The following TTN variants were observed in gnomAD, a reference collection of about 807,000 sequenced individuals.
The protein encoded by TTN is titin.
In TTN, 1,525 loss-of-function variants were observed where a neutral mutation model predicts 3,223.0. The ratio of observed to expected loss-of-function variants is 0.47; its 90% confidence interval spans 0.45 to 0.49. TTN has a LOEUF of 0.49. TTN is among the 20% of genes least tolerant of loss of function. The probability of loss-of-function intolerance (pLI) is 0.00; values close to 1 mark genes in which losing one functional copy is unlikely to be tolerated. For synonymous variants in TTN, 14,094 were observed against 15,161.0 expected, an observed-to-expected ratio of 0.93 and a Z score of 5.17; for missense variants, 40,786 against 43,424.0, an observed-to-expected ratio of 0.94 and a Z score of 5.40.
chr2:178,670,427 A>G (rs558034101), intron 156 of TTN, 132 bp from the exon 157 acceptor site: 18 of 422,170 alleles, frequency 4.3e-5, no homozygotes, highest in African/African-American at 3.1e-4. Context: ...TATCAAATAC[A>G]TTACAGTATT....
intron 263 of TTN, among the ~76,000 whole-genome samples, chr2:178,613,487 A>G (rs1396777578): frequency 1.3e-5 from 2 of 151,956 alleles, no homozygotes; most frequent in Non-Finnish European, 2.9e-5. Context: ...TATAATATCT[A>G]TGACAGTGGT....
In TTN at chr2:178,540,211, G is replaced by C; in HGVS notation, c.97955C>G (p.Thr32652Ser). The change falls in exon 351 of 363, where the codon ACC (threonine) becomes AGC (serine). Residue 32652 changes from threonine to serine, a missense_variant. Transcript: ENST00000589042. Reference protein sequence around the residue: ...VDQHEWTKCNTTPTKIREYTL... With the variant: ...VDQHEWTKCNSTPTKIREYTL... ...ATACTCTCGAATCTTGGTTGGAGTG[G>C]TGTTACACTTGGTCCATTCATGTTG... The C allele has an allele frequency of 6.2e-7, 1 of 1,613,668 alleles. No individual in the cohort carries two copies. The highest frequency in any genetic ancestry group is 8.5e-7 in the Non-Finnish European group (1 of 1,179,706).
rs1247049807 is a variant in TTN, at chr2:178,575,498, G to C, written c.70634C>G (p.Thr23545Ser). Residue 23545 changes from threonine to serine, a missense_variant, in exon 326 of 363, where the codon ACT becomes AGT. By Grantham distance (58) the Thr-to-Ser change is moderately conservative. Coordinates refer to ENST00000589042, the MANE Select transcript of TTN (RefSeq NM_001267550.2). The surrounding 1 kb of genome is among the most constrained non-coding windows in gnomAD (Gnocchi z 4.0). The stretch of plus-strand genomic sequence containing the variant: ...CCATGCCAGGCTGACGGTGCTCTTA[G>C]TTATGTCCATGATGTTAAGGCTGTC... ...PPDSLNIMDI[T>S]KSTVSLAWPK... is the part of the protein sequence containing the mutation. The C allele has an allele frequency of 6.2e-7, 1 of 1,613,690 alleles. No individual in the cohort carries two copies. Among genetic ancestry groups the C allele is most frequent in the Admixed American group, 1.7e-5 (1 of 60,010 alleles).
Position 178,782,889 on chromosome 2 carries a change from A to G in TTN, c.3017T>C (p.Phe1006Ser). Residue 1006 changes from phenylalanine to serine, a missense_variant, in exon 18 of 363, where the codon TTT becomes TCT. Transcript: ENST00000589042. Reference sequence around the variant, plus strand: ...AGTAAATCGCCCGCTGTCTTCCGCAAATGCTTCGCGAATCATAAGACGAGC... The same window carrying G: ...AGTAAATCGCCCGCTGTCTTCCGCAGATGCTTCGCGAATCATAAGACGAGC... The part of the protein sequence containing the change: ...GIARLMIREA[F>S]AEDSGRFTCS... The G allele has an allele frequency of 6.2e-7, 1 of 1,614,116 alleles. No homozygotes were observed. The highest frequency in any genetic ancestry group is 1.1e-5 in the South Asian group (1 of 91,084).
In TTN at chr2:178,680,253, C is replaced by T. The variant is rs746588865; in HGVS notation, c.33418+1G>A. The T allele has an allele frequency of 7.4e-6, 12 of 1,612,208 alleles. No individual in the cohort carries two copies. Among genetic ancestry groups the T allele is most frequent in the Non-Finnish European group, 9.3e-6 (11 of 1,179,068 alleles). On this transcript the variant is annotated splice_donor_variant, in intron 139 of 362. Coordinates refer to ENST00000589042, the MANE Select transcript of TTN (RefSeq NM_001267550.2). LOFTEE classifies it high-confidence loss of function. ...ACATTAAAATGAGTGCCATTAGGTACCTCTAACAGGTGGTGCTACTTCTTT... is the reference window on the plus strand; with the variant it reads ...ACATTAAAATGAGTGCCATTAGGTATCTCTAACAGGTGGTGCTACTTCTTT...
intron 72 of TTN, 23 bp downstream of exon 72, chr2:178,724,237 C>A (rs1315809850): frequency 1.3e-6 from 2 of 1,596,052 alleles, no homozygotes; most frequent in Non-Finnish European, 1.7e-6. Flanking sequence ...CATAAGCAAC[C>A]AGAAGAAAAC....
rs769141222 is a variant in TTN at position 178,527,265 on chromosome 2, A to G, written c.107723T>C (p.Ile35908Thr). 6.2e-5 allele frequency: 100 copies of G among 1,610,354 alleles called. No homozygotes were observed. Among genetic ancestry groups the G allele is most frequent in the Non-Finnish European group, 8.5e-5 (100 of 1,177,290 alleles). The change falls in exon 363 of 363, where the codon ATT becomes ACT. Residue 35908 changes from isoleucine (I) to threonine (T), a missense_variant. By Grantham distance (89) the Ile-to-Thr change is moderately conservative. Coordinates refer to ENST00000589042, the MANE Select transcript of TTN (RefSeq NM_001267550.2). ...TACTGTTAGAACTTTGCCTTCATCA[A>G]TGCTGATATCAGATGGAAGAGCTTC... Reference protein sequence around the residue: ...KIEALPSDISIDEGKVLTVAC... With the variant: ...KIEALPSDISTDEGKVLTVAC...
chr2:178,642,170 T>G (rs2061323624), intron 219 of TTN, 67 bp downstream of exon 219: 1 of 1,359,182 alleles, frequency 7.4e-7, no homozygotes, highest in Admixed American at 2.6e-5. Flanking sequence ...CAGAAACATT[T>G]TGTAAGCTTT....
rs2163010 is a variant in TTN at position 178,635,051 on chromosome 2, G to A, written c.42024+114C>T. 5 of 1,464,402 alleles carry A rather than the reference G, an allele frequency of 3.4e-6. No individual in the cohort carries two copies. The South Asian group carries it at 5.1e-5, about 15-fold the overall frequency. 90.7% of individuals were successfully genotyped at this position (1,464,402 alleles called of 1,614,324 possible). Reference sequence around the variant, plus strand: ...ATTTCTTTCCTTCTTGGAGACTTTAGAAGACTCCATTAACTCCATTATTAT... The same window carrying A: ...ATTTCTTTCCTTCTTGGAGACTTTAAAAGACTCCATTAACTCCATTATTAT... On this transcript the variant is annotated intron_variant, in intron 228 of 362. Coordinates refer to ENST00000589042, the MANE Select transcript of TTN (RefSeq NM_001267550.2).
chr2:178,608,953 G>T, intron 273 of TTN, 45 bp from the exon 274 acceptor site: 1 of 1,578,788 alleles, frequency 6.3e-7, no homozygotes, highest in South Asian at 1.2e-5. Flanking sequence ...TGTGTGGGAA[G>T]GGTTGCTATG....
intron 173 of TTN, 35 bp from the exon 174 acceptor site, chr2:178,663,090 G>C (rs1348485985): frequency 1.9e-6 from 3 of 1,595,496 alleles, no homozygotes; most frequent in Admixed American, 1.7e-5. Context: ...TTTAGAAAAG[G>C]TGAAAATGAT....
In TTN at chr2:178,559,787, G is replaced by C. The variant is rs561319491; in HGVS notation, c.86345C>G (p.Pro28782Arg). 1 of 1,606,984 alleles carries C rather than the reference G, an allele frequency of 6.2e-7. No individual in the cohort carries two copies. Among genetic ancestry groups the C allele is most frequent in the South Asian group, 1.1e-5 (1 of 90,126 alleles). ...CTTACTCCACAAGACATTGGGTACT[G>C]GTCTTCCTCGGAAAGGCACAGTCAT... is the stretch of plus-strand genomic sequence containing the variant. ...FTMTVPFRGRPVPNVLWSKPD... is the reference protein window; with the variant it reads ...FTMTVPFRGRRVPNVLWSKPD... Residue 28782 changes from proline (P) to arginine (R), a missense_variant, in exon 326 of 363, where the codon CCA (proline) becomes CGA (arginine). Transcript: ENST00000589042.
chr2:178,576,974 C>T lies in TTN; in HGVS notation c.69361G>A (p.Gly23121Ser). ...TCAGACTGTACAGGTTCTCCTTTGCCATAGTGGTTTACAGCTGAGACCCGG... is the reference window on the plus strand; with the variant it reads ...TCAGACTGTACAGGTTCTCCTTTGCTATAGTGGTTTACAGCTGAGACCCGG... The part of the protein sequence containing the change: ...IFRVSAVNHY[G>S]KGEPVQSEPV... The change falls in exon 324 of 363, where the codon GGC (glycine) becomes AGC (serine). Residue 23121 changes from glycine (G) to serine (S), a missense_variant. Transcript: ENST00000589042. This position sits in a 1 kb window ranked among gnomAD's most constrained non-coding sequence, Gnocchi z 4.3. 1.9e-6 allele frequency: 3 copies of T among 1,613,474 alleles called. No individual in the cohort carries two copies. Among genetic ancestry groups the T allele is most frequent in the Non-Finnish European group, 2.5e-6 (3 of 1,179,568 alleles).
intron 102 of TTN, among the ~76,000 whole-genome samples, chr2:178,706,022 G>A (rs963823103): frequency 1.3e-4 from 20 of 152,168 alleles, no homozygotes; most frequent in African/African-American, 4.1e-4. Context: ...ACACCCAGAT[G>A]TTGTGTATTT....
At chr2:178,643,254 T>C (rs999686770) in intron 218 of TTN, among the ~76,000 whole-genome samples, 2 of 152,018 alleles carry the variant, frequency 1.3e-5, no homozygotes, top group African/African-American at 4.8e-5. Flanking sequence ...AAACAAGATA[T>C]TTGCAATTCA....
In TTN at chr2:178,618,270, A is replaced by G. The variant is rs2057713125; in HGVS notation, c.47188T>C (p.Phe15730Leu). The change falls in exon 252 of 363, where the codon TTC (phenylalanine) becomes CTC (leucine). Residue 15730 changes from phenylalanine to leucine, a missense_variant. Transcript: ENST00000589042. ...ACTCTGTTTCTTGCACTCACACGGA[A>G]TAGGTACTCAACTCCTCCTTTCTGT... ...GLQKGGVEYL[F>L]RVSARNRVGT... The G allele has an allele frequency of 6.2e-7, 1 of 1,612,656 alleles. No homozygotes were observed. Among genetic ancestry groups the G allele is most frequent in the African/African-American group, 1.3e-5 (1 of 74,802 alleles).
intron 20 of TTN, among the ~76,000 whole-genome samples, chr2:178,781,504 T>C (rs2092756719): frequency 6.6e-6 from 1 of 152,210 alleles, no homozygotes; most frequent in African/African-American, 2.4e-5. Context: ...GAATCAGTCA[T>C]GAAATTAAGT....
chr2:178,564,481 C>A lies in TTN; in HGVS notation c.81651G>T (p.Trp27217Cys), dbSNP rs1704929836. ...ATACGTTGGTAAAGCTGGCTTTCAT[C>A]CAGCGGCCATCAGGTAGATCTTTCT... Reference protein sequence around the residue: ...VEKKDLPDGRWMKASFTNVLE... With the variant: ...VEKKDLPDGRCMKASFTNVLE... Residue 27217 changes from tryptophan to cysteine, a missense_variant, in exon 326 of 363, where the codon TGG becomes TGT. Trp to Cys is a radical substitution (Grantham distance 215). Transcript: ENST00000589042. 6.2e-7 allele frequency: 1 copy of A among 1,611,914 alleles called. No homozygotes were observed. Among genetic ancestry groups the A allele is most frequent in the African/African-American group, 1.3e-5 (1 of 74,894 alleles).
chr2:178,759,177 G>C lies in TTN; in HGVS notation c.10115-5C>G. 6.2e-7 allele frequency: 1 copy of C among 1,613,670 alleles called. No individual in the cohort carries two copies. Among genetic ancestry groups the C allele is most frequent in the Non-Finnish European group, 8.5e-7 (1 of 1,179,858 alleles). ...TGTACCACGACACTTTTAGATCTGC[G>C]ACACAAAAGAAAAGAGATACTTCAA... On this transcript the variant is annotated splice_polypyrimidine_tract_variant and splice_region_variant and intron_variant, in intron 43 of 362. Coordinates refer to ENST00000589042, the MANE Select transcript of TTN (RefSeq NM_001267550.2).
Sources: allele counts gnomAD v4.1 joint callset (sites outside exome capture counted in the v4.1 genomes callset), GRCh38; gene constraint gnomAD v4.1.1; non-coding constraint Gnocchi (gnomAD v3.1); transcripts MANE v1.5; gene names NCBI Gene and HGNC (gene_info 2026-07-23, HGNC 2026-07-21).